Variants in EPHA5 observed in about 807,000 individuals in gnomAD.
EPHA5 encodes ephrin type-A receptor 5.
EPHA5 carries 60 observed loss-of-function variants against 105.0 expected under a neutral mutation model. That is an observed-to-expected ratio of 0.57 (90% CI 0.46 to 0.71). The LOEUF is 0.71. Among genes scored for constraint, EPHA5 ranks in the 30% least tolerant of loss-of-function variants. EPHA5 has a pLI of 0.00. For missense variants in EPHA5, 1,218 were observed against 1,274.7 expected (o/e 0.96, Z 0.68); for synonymous variants, 513 against 449.1 (o/e 1.14, Z -1.80).
intron 11 of EPHA5, among the ~76,000 whole-genome samples, chr4:65,359,462 T>C (rs1375618638): frequency 6.6e-6 from 1 of 151,660 alleles, no homozygotes; most frequent in Non-Finnish European, 1.5e-5. Flanking sequence ...TGTATGCTAA[T>C]AGGTATCTCC....
At chr4:65,522,098 C>CTGAT (rs2149282537) in intron 3 of EPHA5, among the ~76,000 whole-genome samples, 1 of 151,996 alleles carries the variant, frequency 6.6e-6, no homozygotes, top group African/African-American at 2.4e-5. Context: ...TAAGATCTCA[C>CTGAT]TGATTAAAAT....
At chr4:65,327,416 A>G (rs1577814029) in intron 16 of EPHA5, among the ~76,000 whole-genome samples, 2 of 151,194 alleles carry the variant, frequency 1.3e-5, no homozygotes, top group African/African-American at 4.8e-5. Context: ...TTGCCTTTCC[A>G]TCTCATCCTA....
At chr4:65,518,383 A>G (rs1734312216) in intron 3 of EPHA5, among the ~76,000 whole-genome samples, 1 of 151,724 alleles carries the variant, frequency 6.6e-6, no homozygotes, top group Non-Finnish European at 1.5e-5. Flanking sequence ...ATTTTGCCAT[A>G]TTTTTGTTTG....
intron 5 of EPHA5, among the ~76,000 whole-genome samples, chr4:65,436,410 C>T (rs1042216124): frequency 1.3e-5 from 2 of 151,806 alleles, no homozygotes; most frequent in African/African-American, 2.4e-5. Context: ...TCTCGAGACA[C>T]TCATGTTAAA....
At chr4:65,581,601 C>T (rs1741631625) in intron 3 of EPHA5, among the ~76,000 whole-genome samples, 1 of 151,648 alleles carries the variant, frequency 6.6e-6, no homozygotes, top group South Asian at 2.1e-4. Flanking sequence ...ATTATGTTGA[C>T]TAAAGGTAAT....
At chr4:65,470,338 T>C (rs1434496245) in intron 5 of EPHA5, among the ~76,000 whole-genome samples, 1 of 151,902 alleles carries the variant, frequency 6.6e-6, no homozygotes, top group Non-Finnish European at 1.5e-5. Context: ...ATTACAGGTG[T>C]GTGCCACCAT....
intron 5 of EPHA5, among the ~76,000 whole-genome samples, chr4:65,485,882 T>C (rs1487227674): frequency 6.6e-6 from 1 of 152,158 alleles, no homozygotes; most frequent in Non-Finnish European, 1.5e-5. Context: ...TTCTTCCCTG[T>C]CCCCTACATC....
In EPHA5 at chr4:65,501,639, T is replaced by C. The variant is rs528806032; in HGVS notation, c.911-6096A>G. Among the ~76,000 whole-genome samples, 9 of 151,942 alleles carry C rather than the reference T, an allele frequency of 5.9e-5. No individual in the cohort carries two copies. In the South Asian group the frequency reaches 1.9e-3, roughly 31 times the overall value. ...CAAATGGAAAAACATTCCATACTTA[T>C]GGATCAGAGGAATCAACATCATTAA... On this transcript the variant is annotated intron_variant, in intron 3 of 16. Coordinates refer to ENST00000613740, the MANE Select transcript of EPHA5 (RefSeq NM_001281766.3).
intron 5 of EPHA5, among the ~76,000 whole-genome samples, chr4:65,481,739 G>T (rs1490730711): frequency 6.6e-6 from 1 of 152,108 alleles, no homozygotes; most frequent in Admixed American, 6.6e-5. Flanking sequence ...GTGTGAAAAT[G>T]GATTTTACGT....
In EPHA5 at chr4:65,543,630, G is replaced by A. The variant is rs576013118; in HGVS notation, c.911-48087C>T. Among the ~76,000 whole-genome samples the A allele has an allele frequency of 7.2e-5, 11 of 151,958 alleles. No individual in the cohort carries two copies. The South Asian group carries it at 8.3e-4, about 11-fold the overall frequency. Reference sequence around the variant, plus strand: ...CATAGATTGGAAGAATCAATATCACGAAAATGGTCATACTGCCCAAAGTAA... The same window carrying A: ...CATAGATTGGAAGAATCAATATCACAAAAATGGTCATACTGCCCAAAGTAA... On this transcript the variant is annotated intron_variant, in intron 3 of 16. Transcript: ENST00000613740.
chr4:65,655,773 T>C (rs903440388), intron 1 of EPHA5, among the ~76,000 whole-genome samples: 1 of 152,134 alleles, frequency 6.6e-6, no homozygotes, highest in African/African-American at 2.4e-5. Flanking sequence ...AGACACAGCA[T>C]AATTAACAAT....
intron 7 of EPHA5, among the ~76,000 whole-genome samples, chr4:65,412,388 G>C (rs533845778): frequency 6.6e-6 from 1 of 152,044 alleles, no homozygotes; most frequent in Non-Finnish European, 1.5e-5. Flanking sequence ...AGCCTAATAT[G>C]TTATAGGTGT....
At chr4:65,353,512 A>T (rs997965394) in intron 11 of EPHA5, among the ~76,000 whole-genome samples, 1 of 150,634 alleles carries the variant, frequency 6.6e-6, no homozygotes, top group Admixed American at 6.7e-5. Context: ...TTACACACAC[A>T]CACACACACA....
intron 14 of EPHA5, among the ~76,000 whole-genome samples, chr4:65,342,618 G>T (rs547553568): frequency 2.0e-5 from 3 of 150,662 alleles, no homozygotes; most frequent in Admixed American, 2.0e-4. Flanking sequence ...TAAATTATAT[G>T]TATATGAGCA....
Position 65,669,617 on chromosome 4 carries a change from C to A in EPHA5, c.126G>T (p.Thr42=), listed in dbSNP as rs750393876. The change falls in exon 1 of 17, where the codon ACG becomes ACT. Residue 42 remains threonine (T), a synonymous_variant. Coordinates refer to ENST00000613740, the MANE Select transcript of EPHA5 (RefSeq NM_001281766.3). Reference sequence around the variant, plus strand: ...GGAGTGCGGCGCACAGGAGAAGGCACGTCCAGAGGGGAGCCCGTCGAGGTG... The same window carrying A: ...GGAGTGCGGCGCACAGGAGAAGGCAAGTCCAGAGGGGAGCCCGTCGAGGTG... ...YSAPRRAPLW[T]CLLLCAALRT... 4 of 1,424,792 alleles carry A rather than the reference C, an allele frequency of 2.8e-6. No homozygotes were observed. Among genetic ancestry groups the A allele is most frequent in the Admixed American group, 2.5e-5 (1 of 39,480 alleles). 88.3% of individuals were successfully genotyped at this position (1,424,792 alleles called of 1,614,324 possible).
At chr4:65,365,847 A>G in intron 10 of EPHA5, 85 bp downstream of exon 10, 1 of 1,355,780 alleles carries the variant, frequency 7.4e-7, no homozygotes, top group Non-Finnish European at 1.0e-6. Context: ...GATTAAAAAC[A>G]TTCTCTGTTA....
chr4:65,615,695 T>C (rs1386895190), intron 2 of EPHA5, among the ~76,000 whole-genome samples: 1 of 151,880 alleles, frequency 6.6e-6, no homozygotes, highest in Non-Finnish European at 1.5e-5. Context: ...TAAATGTCAT[T>C]AGCCATCAGG....
At chr4:65,464,060 C>G in intron 5 of EPHA5, among the ~76,000 whole-genome samples, 1 of 151,088 alleles carries the variant, frequency 6.6e-6, no homozygotes. Context: ...TTTTGGAGAC[C>G]TCAAAGCCTT....
In EPHA5 at chr4:65,323,931, C is replaced by G. The variant is rs1325868096; in HGVS notation, c.*183G>C. The G allele has an allele frequency of 2.2e-6, 1 of 462,404 alleles. No homozygotes were observed. The highest frequency in any genetic ancestry group is 2.0e-5 in the African/African-American group (1 of 49,154). 28.6% of individuals were successfully genotyped at this position (462,404 alleles called of 1,614,324 possible). On this transcript the variant is annotated 3_prime_UTR_variant, in exon 17 of 17. Coordinates refer to ENST00000613740, the MANE Select transcript of EPHA5 (RefSeq NM_001281766.3). ...ATGTTTGCTTCATGAAAAATGAAGA[C>G]TAAGGACTAAGAACTGGATACTTCA...
Sources: gnomAD v4.1 joint callset for allele counts (sites outside exome capture counted in the v4.1 genomes callset) on GRCh38, gnomAD v4.1.1 for gene constraint, MANE v1.5 for transcripts, NCBI Gene and HGNC (gene_info 2026-07-23, HGNC 2026-07-21) for gene names.